Variants in MACROD2 observed in about 807,000 individuals in gnomAD.
MACROD2 encodes the protein mono-ADP ribosylhydrolase 2.
A neutral mutation model predicts 70.4 loss-of-function variants in MACROD2; 36 were observed. The ratio of observed to expected loss-of-function variants is 0.51; its 90% CI spans 0.39 to 0.68. MACROD2 has a LOEUF of 0.68. Ranked by LOEUF, MACROD2 falls within the 30% of genes least tolerant of loss-of-function variation. The pLI, the probability that MACROD2 is intolerant of heterozygous loss-of-function variation, is 0.00. For missense variants in MACROD2, 496 were observed against 538.4 expected (o/e 0.92, Z 0.78); for synonymous variants, 172 against 178.8 (o/e 0.96, Z 0.30).
At chr20:14,600,776 A>G (rs542638141) in intron 4 of MACROD2, among the ~76,000 whole-genome samples, 1 of 152,226 alleles carries the variant, frequency 6.6e-6, no homozygotes, top group African/African-American at 2.4e-5. Context: ...TTGTCATTGC[A>G]TTTGTATTAG....
At chr20:15,747,946 A>T (rs533984162) in intron 8 of MACROD2, among the ~76,000 whole-genome samples, 3 of 152,114 alleles carry the variant, frequency 2.0e-5, no homozygotes, top group Non-Finnish European at 4.4e-5. Flanking sequence ...AAATTCTGCT[A>T]TCCTGTTTTA....
chr20:14,528,112 T>G (rs1231387593), intron 4 of MACROD2, among the ~76,000 whole-genome samples: 3 of 82,236 alleles, frequency 3.6e-5, no homozygotes, highest in African/African-American at 9.7e-5. Flanking sequence ...CTGTCTACAC[T>G]TTTTTTTTTT....
At chr20:15,516,872 C>G (rs2047574778) in intron 8 of MACROD2, among the ~76,000 whole-genome samples, 1 of 152,138 alleles carries the variant, frequency 6.6e-6, no homozygotes, top group African/African-American at 2.4e-5. Context: ...CAGTAGAAAT[C>G]ACAGATATTT....
chr20:14,740,146 C>A (rs996702239), intron 5 of MACROD2, among the ~76,000 whole-genome samples: 1 of 151,944 alleles, frequency 6.6e-6, no homozygotes, highest in South Asian at 2.1e-4. Flanking sequence ...AAAATTCCTC[C>A]GCTTATTAAA....
At chr20:15,453,729 G>A (rs2146398331) in intron 7 of MACROD2, among the ~76,000 whole-genome samples, 1 of 152,224 alleles carries the variant, frequency 6.6e-6, no homozygotes, top group South Asian at 2.1e-4. Context: ...GTCCTTCTCT[G>A]GGATAAAGAA....
chr20:14,065,931 T>G (rs561321876), intron 2 of MACROD2, among the ~76,000 whole-genome samples: 1 of 152,226 alleles, frequency 6.6e-6, no homozygotes, highest in Non-Finnish European at 1.5e-5. Context: ...GAAAGGAATA[T>G]TGGACTGCCA....
intron 3 of MACROD2, among the ~76,000 whole-genome samples, chr20:14,101,451 T>C (rs954782237): frequency 1.3e-5 from 2 of 152,072 alleles, no homozygotes; most frequent in African/African-American, 4.8e-5. Context: ...TATGTAAGTT[T>C]AGCGTTGATA....
At chr20:14,864,446 A>G (rs953940117) in intron 5 of MACROD2, among the ~76,000 whole-genome samples, 1 of 152,112 alleles carries the variant, frequency 6.6e-6, no homozygotes, top group Non-Finnish European at 1.5e-5. Flanking sequence ...GTAAAACTTT[A>G]ATTTTAAGAT....
At chr20:16,033,591 A>G (rs1035629117) in intron 15 of MACROD2, among the ~76,000 whole-genome samples, 2 of 152,070 alleles carry the variant, frequency 1.3e-5, no homozygotes, top group African/African-American at 4.8e-5. Flanking sequence ...GGCATTTATG[A>G]TAGTCAGTCA....
intron 5 of MACROD2, among the ~76,000 whole-genome samples, chr20:14,718,569 C>A (rs2071425179): frequency 6.6e-6 from 1 of 152,064 alleles, no homozygotes; most frequent in Non-Finnish European, 1.5e-5. Context: ...AAGTATCCAA[C>A]CTGAGATCCT....
In MACROD2 at chr20:14,273,742, C is replaced by T. The variant is rs878922051; in HGVS notation, c.271+188014C>T. Among the ~76,000 whole-genome samples, 239 of 152,020 alleles carry T rather than the reference C, an allele frequency of 1.6e-3. 3 individuals carry two copies. Among genetic ancestry groups the T allele is most frequent in the African/African-American group, 5.3e-3 (218 of 41,454 alleles). ...GAAAGGATCAACACAATTGATAGACCGCTAGCAAGACTCATAAAGAAGAAA... is the reference window on the plus strand; with the variant it reads ...GAAAGGATCAACACAATTGATAGACTGCTAGCAAGACTCATAAAGAAGAAA... On this transcript the variant is annotated intron_variant, in intron 3 of 17. Coordinates refer to ENST00000684519, the MANE Select transcript of MACROD2 (RefSeq NM_001351661.2).
At chr20:14,961,630 C>A (rs932770269) in intron 5 of MACROD2, among the ~76,000 whole-genome samples, 1 of 151,850 alleles carries the variant, frequency 6.6e-6, no homozygotes, top group African/African-American at 2.4e-5. Flanking sequence ...TGGGCTCAAA[C>A]GATATCGCCC....
intron 7 of MACROD2, among the ~76,000 whole-genome samples, chr20:15,461,006 A>ATATATTT: frequency 6.6e-4 from 44 of 67,012 alleles, no homozygotes; most frequent in African/African-American, 1.6e-3. Flanking sequence ...ATATATATAT[A>ATATATTT]TTTTTTTTTA....
chr20:14,287,383 AATGATGATGATGATG>A (rs148121991), intron 3 of MACROD2, among the ~76,000 whole-genome samples: 1 of 151,290 alleles, frequency 6.6e-6, no homozygotes, highest in Admixed American at 6.6e-5. Flanking sequence ...ATGATTAGGA[AATGATGATGATGATG>A]ATGATGATGA....
intron 5 of MACROD2, among the ~76,000 whole-genome samples, chr20:14,975,782 T>C (rs190224397): frequency 1.0e-3 from 153 of 152,154 alleles, no homozygotes; most frequent in Non-Finnish European, 2.0e-3. Flanking sequence ...ACACAGCTAG[T>C]AGTGGCCAAG....
chr20:14,415,405 G>C (rs1239879609), intron 3 of MACROD2, among the ~76,000 whole-genome samples: 1 of 151,196 alleles, frequency 6.6e-6, no homozygotes, highest in African/African-American at 2.5e-5. Context: ...TTATTTAAAA[G>C]GTAACCACGG....
intron 10 of MACROD2, among the ~76,000 whole-genome samples, chr20:15,917,094 A>G (rs1251945324): frequency 3.9e-5 from 6 of 152,124 alleles, no homozygotes; most frequent in Non-Finnish European, 5.9e-5. Flanking sequence ...TAAAATAATC[A>G]TAGAGAGGTG....
Position 15,310,616 on chromosome 20 carries a change from T to C in MACROD2, c.540+80555T>C, listed in dbSNP as rs539635682. ...TTAATCAGCATTCAGGAAGTGAGGA[T>C]TGAGAAAATACATATTGCCACACAC... is the stretch of plus-strand genomic sequence containing the variant. On this transcript the variant is annotated intron_variant, in intron 6 of 17. Transcript: ENST00000684519. Among the ~76,000 whole-genome samples the C allele has an allele frequency of 2.6e-5, 4 of 152,262 alleles. No individual in the cohort carries two copies. In the South Asian group the frequency reaches 6.2e-4, roughly 24 times the overall value.
At chr20:14,346,272 A>G (rs1469049577) in intron 3 of MACROD2, among the ~76,000 whole-genome samples, 3 of 152,100 alleles carry the variant, frequency 2.0e-5, no homozygotes, top group Admixed American at 1.3e-4. Flanking sequence ...AATAGCAAAA[A>G]CATAAACACT....
Sources: allele counts gnomAD v4.1 joint callset (sites outside exome capture counted in the v4.1 genomes callset), GRCh38; gene constraint gnomAD v4.1.1; transcripts MANE v1.5; gene names NCBI Gene and HGNC (gene_info 2026-07-23, HGNC 2026-07-21).